TOR1B: variants seen among roughly 807,000 people sequenced by gnomAD.
TOR1B encodes the protein torsin family 1 member B, also known as torsin-1B.
In TOR1B, 14 loss-of-function variants were observed where a neutral mutation model predicts 29.2. The ratio of observed to expected loss-of-function variants is 0.48; its 90% CI spans 0.32 to 0.75. TOR1B has a LOEUF of 0.75. TOR1B is among the 30% of genes least tolerant of loss of function. TOR1B has a pLI of 0.04. For synonymous variants in TOR1B, 166 were observed against 179.8 expected (o/e 0.92, Z 0.62); for missense variants, 400 against 433.9 (o/e 0.92, Z 0.69).
At position 129,807,301 on chromosome 9, in the gene TOR1B, T is replaced by C; in HGVS notation, c.579T>C (p.Phe193=). The change falls in exon 3 of 5, where the codon TTT becomes TTC. Residue 193 remains phenylalanine (F), a synonymous_variant. Coordinates refer to ENST00000259339, the MANE Select transcript of TOR1B (RefSeq NM_014506.3). ...GGATCATTGACGCAATCAAGCCGTT[T>C]CTAGACTACTACGAGCAGGTTGACG... ...HPGIIDAIKP[F]LDYYEQVDGV... 6.2e-7 allele frequency: 1 copy of C among 1,614,200 alleles called. No homozygotes were observed. Among genetic ancestry groups the C allele is most frequent in the Non-Finnish European group, 8.5e-7 (1 of 1,180,046 alleles).
At position 129,810,584 on chromosome 9, in the gene TOR1B, G is replaced by T. The variant is rs2030809757; in HGVS notation, c.*1001G>T. The stretch of plus-strand genomic sequence containing the variant: ...CAATGAGACCGTTGGCTTTGAATTT[G>T]AGTCGTTGGTTCCCATGGTGAGATG... On this transcript the variant is annotated 3_prime_UTR_variant, in exon 5 of 5. Coordinates refer to ENST00000259339, the MANE Select transcript of TOR1B (RefSeq NM_014506.3). 2.8e-6 allele frequency: 1 copy of T among 357,010 alleles called. No individual in the cohort carries two copies. Among genetic ancestry groups the T allele is most frequent in the Non-Finnish European group, 4.2e-6 (1 of 236,910 alleles). The allele number at this position is 357,010 out of a possible 1,614,324, so 22.1% of individuals were successfully genotyped here. A position where few individuals can be genotyped will look rare whatever the true frequency, so the allele number is the denominator to read the frequency against.
chr9:129,803,206 G>C lies in TOR1B; in HGVS notation c.-7G>C. On this transcript the variant is annotated 5_prime_UTR_variant, in exon 1 of 5. Transcript: ENST00000259339. The stretch of plus-strand genomic sequence containing the variant: ...CTCAGTGGCTTCTGCGGGCTTCGAG[G>C]AGCGGGATGTTGCGGGCTGGGTGGC... The C allele has an allele frequency of 2.0e-6, 3 of 1,473,514 alleles. No individual in the cohort carries two copies. Among genetic ancestry groups the C allele is most frequent in the South Asian group, 2.7e-5 (2 of 73,702 alleles). 91.3% of individuals were successfully genotyped at this position (1,473,514 alleles called of 1,614,324 possible).
chr9:129,804,486 A>G, intron 2 of TOR1B, 148 bp downstream of exon 2: 2 of 980,454 alleles, frequency 2.0e-6, no homozygotes, highest in Non-Finnish European at 1.5e-6. Flanking sequence ...CCAGGTAGTT[A>G]CAAAGCTCTC....
intron 2 of TOR1B, 149 bp from the exon 3 acceptor site, chr9:129,807,039 A>T: frequency 1.5e-6 from 1 of 666,522 alleles, no homozygotes. Context: ...AGGTTTTAGA[A>T]AAGCTGCTAC....
Position 129,807,504 on chromosome 9 carries a change from T to C in TOR1B, c.641+141T>C, listed in dbSNP as rs1235928320. ...AAGGCACTTACCTACTGCTTTACTT[T>C]TCCTTTGCCAGTCTCAGCATGGCAC... On this transcript the variant is annotated intron_variant, in intron 3 of 4. Coordinates refer to ENST00000259339, the MANE Select transcript of TOR1B (RefSeq NM_014506.3). 3 of 1,000,662 alleles carry C rather than the reference T, an allele frequency of 3.0e-6. No individual in the cohort carries two copies. The African/African-American group carries it at 4.8e-5, about 16-fold the overall frequency. 62.0% of individuals were successfully genotyped at this position (1,000,662 alleles called of 1,614,324 possible). A position where few individuals can be genotyped will look rare whatever the true frequency, so the allele number is the denominator to read the frequency against.
At position 129,810,284 on chromosome 9, in the gene TOR1B, C is replaced by T; in HGVS notation, c.*701C>T. ...TCGGGGCTGGAGGTGCAGACGGTGT[C>T]TGACCGGAGGATGTGGCCGTGCCCG... On this transcript the variant is annotated 3_prime_UTR_variant, in exon 5 of 5. Coordinates refer to ENST00000259339, the MANE Select transcript of TOR1B (RefSeq NM_014506.3). The T allele has an allele frequency of 7.7e-7, 1 of 1,301,490 alleles. No individual in the cohort carries two copies. Among genetic ancestry groups the T allele is most frequent in the Non-Finnish European group, 1.0e-6 (1 of 988,656 alleles). 80.6% of individuals were successfully genotyped at this position (1,301,490 alleles called of 1,614,324 possible).
At chr9:129,807,541 T>G (rs1443334956) in intron 3 of TOR1B, among the ~76,000 whole-genome samples, 178 bp downstream of exon 3, 2 of 152,126 alleles carry the variant, frequency 1.3e-5, no homozygotes, top group Non-Finnish European at 1.5e-5. Context: ...CAGTGTGGGT[T>G]GTGGAAATGA....
chr9:129,805,061 C>T (rs2030394652), intron 2 of TOR1B, among the ~76,000 whole-genome samples: 1 of 151,490 alleles, frequency 6.6e-6, no homozygotes, highest in African/African-American at 2.4e-5. Flanking sequence ...TGGCCTGAAC[C>T]CGGGAGGCGG....
In TOR1B at chr9:129,803,327, G is replaced by C; in HGVS notation, c.115G>C (p.Ala39Pro). 6.3e-7 allele frequency: 1 copy of C among 1,591,150 alleles called. No homozygotes were observed. Reference protein sequence around the residue: ...TVGLAIGAASAITGYLSYNDI... With the variant: ...TVGLAIGAASPITGYLSYNDI... ...GGGCCTAGCCATCGGGGCCGCGTCG[G>C]CCATCACCGGCTACCTGTCCTACAA... Residue 39 changes from alanine (A) to proline (P), a missense_variant, in exon 1 of 5, where the codon GCC becomes CCC. Transcript: ENST00000259339.
At chr9:129,803,466 G>A (rs1653464138) in intron 1 of TOR1B, 55 bp downstream of exon 1, 7 of 1,231,780 alleles carry the variant, frequency 5.7e-6, no homozygotes, top group Non-Finnish European at 7.1e-6. Flanking sequence ...GGGGGCGCGG[G>A]GGCGCGGAGG....
At chr9:129,806,351 C>G (rs1206268454) in intron 2 of TOR1B, among the ~76,000 whole-genome samples, 1 of 152,098 alleles carries the variant, frequency 6.6e-6, no homozygotes, top group African/African-American at 2.4e-5. Flanking sequence ...CCTGGTATAG[C>G]CTTTCACGCT....
chr9:129,804,284 C>T lies in TOR1B; in HGVS notation c.411C>T (p.His137=), dbSNP rs780159363. Reference sequence around the variant, plus strand: ...AAGGTCTGAAGAGTAACTTTGTCCACCTGTTTGTATCGACTCTGCACTTCC... The same window carrying T: ...AAGGTCTGAAGAGTAACTTTGTCCATCTGTTTGTATCGACTCTGCACTTCC... ...HPKGLKSNFV[H]LFVSTLHFPH... The change falls in exon 2 of 5, where the codon CAC becomes CAT. Residue 137 remains histidine (H), a synonymous_variant. Transcript: ENST00000259339. The T allele has an allele frequency of 9.3e-6, 15 of 1,614,196 alleles. No individual in the cohort carries two copies. Among genetic ancestry groups the T allele is most frequent in the Non-Finnish European group, 1.3e-5 (15 of 1,180,040 alleles).
At chr9:129,809,163 G>A in intron 4 of TOR1B, 131 bp downstream of exon 4, 1 of 1,513,040 alleles carries the variant, frequency 6.6e-7, no homozygotes, top group Non-Finnish European at 8.8e-7. Flanking sequence ...AATTTTCTTA[G>A]GGCATACTGT....
rs751134909 is a variant in TOR1B at position 129,808,047 on chromosome 9, CAG to C, written c.641+686_641+687del. Among the ~76,000 whole-genome samples, 11 of 151,758 alleles carry C rather than the reference CAG, an allele frequency of 7.2e-5. 1 individual carries two copies. The highest frequency in any genetic ancestry group is 3.9e-4 in the Admixed American group (6 of 15,238). ...CAAGACCCCGACCCTAAAAATGAAA[CAG>C]AAATGAAAACAGTTAATTTTATTAA... On this transcript the variant is annotated intron_variant, in intron 3 of 4. Coordinates refer to ENST00000259339, the MANE Select transcript of TOR1B (RefSeq NM_014506.3).
At position 129,804,350 on chromosome 9, in the gene TOR1B, C is replaced by A; in HGVS notation, c.465+12C>A. ...TAAAACTGTACCAGGCAAGAGAACC[C>A]GCTATTATCTCGTCTGCAGGCCAGT... On this transcript the variant is annotated intron_variant, in intron 2 of 4. Transcript: ENST00000259339. 1 of 1,607,196 alleles carries A rather than the reference C, an allele frequency of 6.2e-7. No individual in the cohort carries two copies. The highest frequency in any genetic ancestry group is 8.5e-7 in the Non-Finnish European group (1 of 1,174,122).
At chr9:129,807,455 A>G in intron 3 of TOR1B, 92 bp downstream of exon 3, 2 of 1,500,560 alleles carry the variant, frequency 1.3e-6, no homozygotes, top group Non-Finnish European at 9.0e-7. Context: ...TTTGTTTACC[A>G]GGACGAAAGT....
intron 3 of TOR1B, among the ~76,000 whole-genome samples, chr9:129,808,519 C>G (rs1396067129): frequency 2.9e-5 from 4 of 140,022 alleles, no homozygotes; most frequent in Non-Finnish European, 6.2e-5. Context: ...AGAGCAGATT[C>G]ATTTCTTGGT....
intron 2 of TOR1B, 150 bp from the exon 3 acceptor site, chr9:129,807,038 A>G (rs773026364): frequency 3.0e-6 from 2 of 663,440 alleles, no homozygotes; most frequent in Non-Finnish European, 5.0e-6. Context: ...AAGGTTTTAG[A>G]AAAGCTGCTA....
At chr9:129,808,582 T>G (rs935227928) in intron 3 of TOR1B, among the ~76,000 whole-genome samples, 13 of 146,666 alleles carry the variant, frequency 8.9e-5, no homozygotes, top group Non-Finnish European at 1.5e-5. Context: ...CGAGTTTCAT[T>G]TTTGTTGCCC....
Sources: allele counts gnomAD v4.1 joint callset (sites outside exome capture counted in the v4.1 genomes callset), GRCh38; gene constraint gnomAD v4.1.1; transcripts MANE v1.5; gene names NCBI Gene and HGNC (gene_info 2026-07-23, HGNC 2026-07-21).